The following MTMR14 variants were observed in gnomAD, a reference collection of about 807,000 sequenced individuals.
The protein encoded by MTMR14 is myotubularin related protein 14.
Under a neutral mutation model 86.3 loss-of-function variants are expected in MTMR14, and 48 were observed. The observed-to-expected ratio is 0.56, with a 90% CI of 0.44 to 0.71. MTMR14 has a LOEUF of 0.71. Among genes scored for constraint, MTMR14 ranks in the 30% least tolerant of loss-of-function variants. The probability of loss-of-function intolerance (pLI) is 0.00; values close to 1 mark genes in which losing one functional copy is unlikely to be tolerated. For synonymous variants in MTMR14, 366 were observed against 326.1 expected (o/e 1.12, Z -1.32); for missense variants, 780 against 834.6 (o/e 0.93, Z 0.81).
At position 9,649,509 on chromosome 3, in the gene MTMR14, T is replaced by A. The variant is rs2047153000; in HGVS notation, c.-75T>A. ...CGGTGGCTGAGGCGGTTCCGGAGGT[T>A]CTAGTGTCGGAGTTGGGTGCAGGCA... On this transcript the variant is annotated 5_prime_UTR_variant, in exon 1 of 19. Coordinates refer to ENST00000296003, the MANE Select transcript of MTMR14 (RefSeq NM_001077525.3). 6.8e-7 allele frequency: 1 copy of A among 1,480,176 alleles called. No individual in the cohort carries two copies. The highest frequency in any genetic ancestry group is 2.5e-5 in the East Asian group (1 of 39,976). The allele number at this position is 1,480,176 out of a possible 1,614,324, so 91.7% of individuals were successfully genotyped here. A position where few individuals can be genotyped will look rare whatever the true frequency, so the allele number is the denominator to read the frequency against.
chr3:9,698,956 G>A (rs2076367948), intron 18 of MTMR14, among the ~76,000 whole-genome samples: 1 of 152,052 alleles, frequency 6.6e-6, no homozygotes, highest in African/African-American at 2.4e-5. Flanking sequence ...ATCACCTAAG[G>A]TTGGGAGTTC....
intron 7 of MTMR14, among the ~76,000 whole-genome samples, chr3:9,676,907 A>C (rs2075599741): frequency 6.6e-6 from 1 of 152,168 alleles, no homozygotes; most frequent in South Asian, 2.1e-4. Flanking sequence ...CCCATTTTAG[A>C]GAAGAGGAAG....
chr3:9,694,742 C>T (rs538258871), intron 17 of MTMR14, among the ~76,000 whole-genome samples: 68 of 152,264 alleles, frequency 4.5e-4, no homozygotes, highest in Non-Finnish European at 2.5e-4. Context: ...TGAGCCAGCT[C>T]GGTTTGTGTG....
chr3:9,653,663 G>A lies in MTMR14; in HGVS notation c.202G>A (p.Asp68Asn), dbSNP rs1217837184. Reference protein sequence around the residue: ...EKRCLELFGRDYCFSVIPNTN... With the variant: ...EKRCLELFGRNYCFSVIPNTN... Reference sequence around the variant, plus strand: ...GAGATGTCTGGAGCTGTTTGGCCGAGACTACTGTTTCAGCGTGATTCCAAA... The same window carrying A: ...GAGATGTCTGGAGCTGTTTGGCCGAAACTACTGTTTCAGCGTGATTCCAAA... Residue 68 changes from aspartate to asparagine, a missense_variant, in exon 2 of 19, where the codon GAC becomes AAC. Transcript: ENST00000296003. 2 of 1,614,170 alleles carry A rather than the reference G, an allele frequency of 1.2e-6. No individual in the cohort carries two copies. The highest frequency in any genetic ancestry group is 3.3e-5 in the Admixed American group (2 of 60,012).
chr3:9,695,075 C>T (rs535817646), intron 17 of MTMR14, among the ~76,000 whole-genome samples: 81 of 152,246 alleles, frequency 5.3e-4, no homozygotes, highest in Admixed American at 1.0e-3. Context: ...AGCTTGGATC[C>T]CTCTGTTTGC....
chr3:9,652,944 A>C (rs555811256), intron 1 of MTMR14, among the ~76,000 whole-genome samples: 24 of 152,198 alleles, frequency 1.6e-4, no homozygotes, highest in African/African-American at 5.3e-4. Context: ...TGTGTCTTTT[A>C]AAAAAATAAA....
chr3:9,671,473 A>C (rs753122873), intron 6 of MTMR14, among the ~76,000 whole-genome samples: 1 of 151,524 alleles, frequency 6.6e-6, no homozygotes, highest in Non-Finnish European at 1.5e-5. Flanking sequence ...TTTTTTTTCC[A>C]GCTCCATGTT....
intron 18 of MTMR14, chr3:9,699,667 A>G (rs1357538463): frequency 1.3e-5 from 2 of 152,222 alleles, no homozygotes; most frequent in Non-Finnish European, 2.9e-5. Context: ...GTGTCCTTAA[A>G]TGGGTCACAT....
At chr3:9,691,821 A>G (rs201412023) in intron 17 of MTMR14, among the ~76,000 whole-genome samples, 73 of 152,208 alleles carry the variant, frequency 4.8e-4, no homozygotes, top group East Asian at 2.5e-3. Flanking sequence ...AGCCCTGCAC[A>G]TGGGGGCTTG....
intron 2 of MTMR14, among the ~76,000 whole-genome samples, chr3:9,661,290 G>A (rs1260733776): frequency 6.6e-6 from 1 of 152,182 alleles, no homozygotes; most frequent in Non-Finnish European, 1.5e-5. Flanking sequence ...GGAGAAAATG[G>A]TTTCAGATGA....
chr3:9,655,695 TC>T (rs1182181616), intron 2 of MTMR14, among the ~76,000 whole-genome samples: 1 of 150,514 alleles, frequency 6.6e-6, no homozygotes, highest in Non-Finnish European at 1.5e-5. Context: ...ACCCCTGACC[TC>T]ATGATCCAGC....
At chr3:9,686,076 G>T (rs564992269) in intron 13 of MTMR14, among the ~76,000 whole-genome samples, 7 of 152,228 alleles carry the variant, frequency 4.6e-5, no homozygotes, top group Admixed American at 2.0e-4. Context: ...CCCTCATGGG[G>T]CTGCTTCCTT....
intron 16 of MTMR14, among the ~76,000 whole-genome samples, chr3:9,689,317 G>T (rs931075907): frequency 6.6e-6 from 1 of 152,240 alleles, no homozygotes; most frequent in Non-Finnish European, 1.5e-5. Context: ...GTGGGACAGA[G>T]AAGCAGCTGG....
At chr3:9,659,457 T>C (rs1034556954) in intron 2 of MTMR14, among the ~76,000 whole-genome samples, 1 of 151,886 alleles carries the variant, frequency 6.6e-6, no homozygotes, top group Non-Finnish European at 1.5e-5. Flanking sequence ...TTTTTTTTTT[T>C]TTTTAAGACG....
chr3:9,684,645 C>G lies in MTMR14; in HGVS notation c.1025C>G (p.Ser342Cys). The G allele has an allele frequency of 6.2e-7, 1 of 1,614,178 alleles. No homozygotes were observed. Among genetic ancestry groups the G allele is most frequent in the Non-Finnish European group, 8.5e-7 (1 of 1,180,020 alleles). Residue 342 changes from serine (S) to cysteine (C), a missense_variant, in exon 11 of 19, where the codon TCC becomes TGC. Physicochemically the swap from Ser to Cys is moderately radical, Grantham distance 112 (BLOSUM62 -1). Transcript: ENST00000296003. ...SGWDRTPLFI[S>C]LLRLSLWADG... The stretch of plus-strand genomic sequence containing the variant: ...TGGGATCGGACCCCCCTCTTCATCT[C>G]CCTCCTGCGCCTTTCCTTGTGGGCT...
At chr3:9,676,659 T>C (rs1246046562) in intron 7 of MTMR14, among the ~76,000 whole-genome samples, 3 of 152,232 alleles carry the variant, frequency 2.0e-5, no homozygotes, top group Non-Finnish European at 4.4e-5. Context: ...GATTTTAAGC[T>C]GGGAATGTTG....
intron 5 of MTMR14, 26 bp downstream of exon 5, chr3:9,669,518 G>C: frequency 1.2e-6 from 2 of 1,606,790 alleles, no homozygotes; most frequent in Non-Finnish European, 8.5e-7. Context: ...CTGTGGTCAG[G>C]GGCTTGTGTT....
At chr3:9,659,603 C>T in intron 2 of MTMR14, 2 of 421,454 alleles carry the variant, frequency 4.7e-6, no homozygotes, top group Non-Finnish European at 9.5e-6. Context: ...GCTGCCACGC[C>T]TGTCTAATTT....
chr3:9,675,430 G>A, intron 7 of MTMR14: 3 of 340,358 alleles, frequency 8.8e-6, no homozygotes, highest in South Asian at 7.1e-5. Context: ...TCTCAGTTGA[G>A]CCCTGTGATG....
Sources: allele counts gnomAD v4.1 joint callset (sites outside exome capture counted in the v4.1 genomes callset), GRCh38; gene constraint gnomAD v4.1.1; transcripts MANE v1.5; gene names NCBI Gene and HGNC (gene_info 2026-07-23, HGNC 2026-07-21).